The following TRAPPC6B variants were observed in gnomAD, a reference collection of about 807,000 sequenced individuals.
The protein encoded by TRAPPC6B is TRAPP complex subunit 6B.
TRAPPC6B carries 27 observed loss-of-function variants against 24.7 expected under a neutral mutation model. That is an observed-to-expected ratio of 1.09 (90% CI 0.81 to 1.51). The LOEUF (loss-of-function observed/expected upper bound fraction) is 1.51. Ranked by LOEUF, TRAPPC6B falls within the 40% of genes most tolerant of loss-of-function variation. TRAPPC6B has a pLI of 0.00. For missense variants in TRAPPC6B, 212 were observed against 190.8 expected (o/e 1.11, Z -0.66); for synonymous variants, 80 against 66.6 (o/e 1.20, Z -0.98).
At position 39,147,947 on chromosome 14, in the gene TRAPPC6B, TAA is replaced by T. The variant is rs1395458358; in HGVS notation, c.*2401_*2402del. ...AACCTAACTCTCCCTTTGTTTCTACTAAGAGAGGTTTCTTTTTGGCTACAAGT... is the reference window on the plus strand; with the variant it reads ...AACCTAACTCTCCCTTTGTTTCTACTGAGAGGTTTCTTTTTGGCTACAAGT... On this transcript the variant is annotated 3_prime_UTR_variant, in exon 6 of 6. Transcript: ENST00000330149. The T allele has an allele frequency of 6.6e-6, 1 of 152,220 alleles. No homozygotes were observed. Among genetic ancestry groups the T allele is most frequent in the African/African-American group, 2.4e-5 (1 of 41,462 alleles). 9.4% of individuals were successfully genotyped at this position (152,220 alleles called of 1,614,324 possible).
intron 3 of TRAPPC6B, among the ~76,000 whole-genome samples, chr14:39,158,022 A>G (rs977724332): frequency 3.9e-5 from 6 of 152,240 alleles, no homozygotes; most frequent in Admixed American, 2.6e-4. Flanking sequence ...AGTAAAAGCT[A>G]TTCTCATCCT....
chr14:39,165,921 A>G (rs1281762115), intron 1 of TRAPPC6B, among the ~76,000 whole-genome samples: 1 of 152,072 alleles, frequency 6.6e-6, no homozygotes, highest in Non-Finnish European at 1.5e-5. Flanking sequence ...CTTCTGCCTC[A>G]GCCTCCCGAG....
In TRAPPC6B at chr14:39,149,324, CCT is replaced by C. The variant is rs2052889109; in HGVS notation, c.*1024_*1025del. 6.6e-6 allele frequency: 1 copy of C among 152,034 alleles called. No individual in the cohort carries two copies. The highest frequency in any genetic ancestry group is 1.5e-5 in the Non-Finnish European group (1 of 68,036). 9.4% of individuals were successfully genotyped at this position (152,034 alleles called of 1,614,324 possible). ...TCAGTCACCCCCTGCTGCAGAGTTC[CCT>C]GTCACACAAATACATGCAAAAGGGT... On this transcript the variant is annotated 3_prime_UTR_variant, in exon 6 of 6. Transcript: ENST00000330149.
Position 39,150,391 on chromosome 14 carries a change from A to C in TRAPPC6B, c.446-10T>G. The C allele has an allele frequency of 6.4e-7, 1 of 1,568,062 alleles. No individual in the cohort carries two copies. The highest frequency in any genetic ancestry group is 1.2e-5 in the South Asian group (1 of 85,286). On this transcript the variant is annotated splice_polypyrimidine_tract_variant and intron_variant, in intron 5 of 5. Transcript: ENST00000330149. ...ATCACCTGAAATTTGCCTAAAAAAA[A>C]AAATACAAATAATTCTTTGATTTTA...
chr14:39,153,983 G>C (rs2052946087), intron 4 of TRAPPC6B, among the ~76,000 whole-genome samples: 1 of 152,176 alleles, frequency 6.6e-6, no homozygotes, highest in South Asian at 2.1e-4. Context: ...GGGATTACAG[G>C]CGTGAGCCAT....
At chr14:39,169,656 T>C (rs928140136) in intron 1 of TRAPPC6B, among the ~76,000 whole-genome samples, 5 of 152,152 alleles carry the variant, frequency 3.3e-5, no homozygotes, top group African/African-American at 1.2e-4. Context: ...GTCTGTCCAG[T>C]GCATGGCTCA....
chr14:39,150,031 T>C lies in TRAPPC6B; in HGVS notation c.*319A>G, dbSNP rs1015290751. The C allele has an allele frequency of 9.5e-6, 2 of 210,666 alleles. No individual in the cohort carries two copies. The highest frequency in any genetic ancestry group is 4.6e-5 in the African/African-American group (2 of 43,840). The allele number at this position is 210,666 out of a possible 1,614,324, so 13.0% of individuals were successfully genotyped here. A position where few individuals can be genotyped will look rare whatever the true frequency, so the allele number is the denominator to read the frequency against. On this transcript the variant is annotated 3_prime_UTR_variant, in exon 6 of 6. Coordinates refer to ENST00000330149, the MANE Select transcript of TRAPPC6B (RefSeq NM_001079537.2). ...GGTACATAATTTTCTCTCATGCTAA[T>C]TCAACAAACCCTGAGCTTTGTTTCT...
intron 1 of TRAPPC6B, among the ~76,000 whole-genome samples, chr14:39,167,389 A>T (rs1032000272): frequency 1.3e-5 from 2 of 151,944 alleles, no homozygotes; most frequent in African/African-American, 4.9e-5. Flanking sequence ...TATTTCATTT[A>T]AAAAAACTTT....
At chr14:39,164,071 A>G (rs557860071) in intron 1 of TRAPPC6B, among the ~76,000 whole-genome samples, 1 of 143,532 alleles carries the variant, frequency 7.0e-6, no homozygotes, top group Non-Finnish European at 1.5e-5. Context: ...TCTTAAGTAA[A>G]GCCTTATCAT....
chr14:39,167,020 G>A (rs1013541833), intron 1 of TRAPPC6B, among the ~76,000 whole-genome samples: 1 of 152,176 alleles, frequency 6.6e-6, no homozygotes, highest in African/African-American at 2.4e-5. Flanking sequence ...CCTGGGCAGT[G>A]GGGAAGAAGA....
At chr14:39,159,073 A>G (rs2053022061) in intron 2 of TRAPPC6B, 1 of 152,712 alleles carries the variant, frequency 6.5e-6, no homozygotes, top group Non-Finnish European at 1.5e-5. Flanking sequence ...ACTAAAAAGA[A>G]CTGATTTATA....
intron 2 of TRAPPC6B, chr14:39,158,692 GTA>G (rs973210940): frequency 1.2e-5 from 3 of 245,772 alleles, no homozygotes; most frequent in African/African-American, 6.9e-5. Context: ...CAGCTAATCT[GTA>G]TATCTTTGTA....
In TRAPPC6B at chr14:39,150,285, T is replaced by C. The variant is rs2052896957; in HGVS notation, c.*65A>G. ...AACAATGTAATTAAATCATCACTAC[T>C]TGAAATACTTTTACATGAATAATTT... is the stretch of plus-strand genomic sequence containing the variant. On this transcript the variant is annotated 3_prime_UTR_variant, in exon 6 of 6. Transcript: ENST00000330149. 1 of 1,344,288 alleles carries C rather than the reference T, an allele frequency of 7.4e-7. No homozygotes were observed. Among genetic ancestry groups the C allele is most frequent in the East Asian group, 2.3e-5 (1 of 43,032 alleles). 83.3% of individuals were successfully genotyped at this position (1,344,288 alleles called of 1,614,324 possible). A position where few individuals can be genotyped will look rare whatever the true frequency, so the allele number is the denominator to read the frequency against.
In TRAPPC6B at chr14:39,170,313, C is replaced by T. The variant is rs569030342; in HGVS notation, c.-218G>A. The T allele has an allele frequency of 4.6e-4, 262 of 564,406 alleles. 4 individuals are homozygous for T. The South Asian group carries it at 5.2e-3, about 11-fold the overall frequency. 35.0% of individuals were successfully genotyped at this position (564,406 alleles called of 1,614,324 possible). On this transcript the variant is annotated 5_prime_UTR_variant, in exon 1 of 6. Coordinates refer to ENST00000330149, the MANE Select transcript of TRAPPC6B (RefSeq NM_001079537.2). ...AGCCCACACTTCGGGGCTACCAAAT[C>T]CTAGGGCCGAACTAAAGTCTGACGG...
At chr14:39,166,897 ACT>A (rs552935677) in intron 1 of TRAPPC6B, among the ~76,000 whole-genome samples, 71 of 151,954 alleles carry the variant, frequency 4.7e-4, no homozygotes, top group Non-Finnish European at 7.9e-4. Context: ...TAAACCCTAG[ACT>A]CTGCATGTTT....
At chr14:39,161,490 C>T (rs544990047) in intron 1 of TRAPPC6B, among the ~76,000 whole-genome samples, 5 of 152,270 alleles carry the variant, frequency 3.3e-5, no homozygotes, top group South Asian at 4.2e-4. Flanking sequence ...TCCCAAAAGA[C>T]GGAATGACTT....
At chr14:39,165,688 T>C (rs1312920165) in intron 1 of TRAPPC6B, among the ~76,000 whole-genome samples, 1 of 152,142 alleles carries the variant, frequency 6.6e-6, no homozygotes, top group Admixed American at 6.5e-5. Context: ...CCCTAGCTAT[T>C]CGAGAGGCTG....
intron 3 of TRAPPC6B, 34 bp from the exon 4 acceptor site, chr14:39,154,328 A>G: frequency 7.7e-7 from 1 of 1,297,408 alleles, no homozygotes; most frequent in South Asian, 1.2e-5. Flanking sequence ...TCCAAAGTCA[A>G]TGTACCTAGC....
chr14:39,169,421 C>T (rs1465394627), intron 1 of TRAPPC6B, among the ~76,000 whole-genome samples: 1 of 152,180 alleles, frequency 6.6e-6, no homozygotes, highest in Non-Finnish European at 1.5e-5. Context: ...GCCATTGTTT[C>T]ATTCACTACT....
Sources: gnomAD v4.1 joint callset for allele counts (sites outside exome capture counted in the v4.1 genomes callset) on GRCh38, gnomAD v4.1.1 for gene constraint, MANE v1.5 for transcripts, NCBI Gene and HGNC (gene_info 2026-07-23, HGNC 2026-07-21) for gene names.